SIGLEC1: variants seen among roughly 807,000 people sequenced by gnomAD.
SIGLEC1 encodes the protein sialoadhesin.
In SIGLEC1, 132 loss-of-function variants were observed where a neutral mutation model predicts 148.0. The ratio of observed to expected loss-of-function variants is 0.89; its 90% CI spans 0.77 to 1.03. The LOEUF (loss-of-function observed/expected upper bound fraction) is 1.03. Among genes scored for constraint, SIGLEC1 ranks in the 50% least tolerant of loss-of-function variants. The probability of loss-of-function intolerance (pLI) is 0.00; values close to 1 mark genes in which losing one functional copy is unlikely to be tolerated. For synonymous variants in SIGLEC1, 945 were observed against 969.0 expected (o/e 0.98, Z 0.46); for missense variants, 2,253 against 2,271.4 (o/e 0.99, Z 0.16).
chr20:3,688,457 G>A lies in SIGLEC1; in HGVS notation c.*103C>T, dbSNP rs1485270885. On this transcript the variant is annotated 3_prime_UTR_variant, in exon 22 of 22. Coordinates refer to ENST00000344754, the MANE Select transcript of SIGLEC1 (RefSeq NM_023068.4). ...AGTCAGATGTCACAGAGCTGTTTTC[G>A]TAGAGGCGGGCAGGACTCAACACTG... is the stretch of plus-strand genomic sequence containing the variant. 1.2e-5 allele frequency: 12 copies of A among 997,342 alleles called. No homozygotes were observed. Among genetic ancestry groups the A allele is most frequent in the South Asian group, 2.8e-5 (2 of 72,546 alleles). 61.8% of individuals were successfully genotyped at this position (997,342 alleles called of 1,614,324 possible). A position where few individuals can be genotyped will look rare whatever the true frequency, so the allele number is the denominator to read the frequency against.
intron 11 of SIGLEC1, 145 bp from the exon 12 acceptor site, chr20:3,695,068 C>A (rs1342535943): frequency 2.5e-6 from 2 of 794,260 alleles, no homozygotes; most frequent in Non-Finnish European, 3.9e-6. Context: ...AGGGCCCACT[C>A]AGCCCTATGC....
chr20:3,687,726 T>C lies in SIGLEC1; in HGVS notation c.*834A>G, dbSNP rs545793973. The C allele has an allele frequency of 6.6e-6, 1 of 152,278 alleles. No homozygotes were observed. Among genetic ancestry groups the C allele is most frequent in the East Asian group, 1.9e-4 (1 of 5,180 alleles). The allele number at this position is 152,278 out of a possible 1,614,324, so 9.4% of individuals were successfully genotyped here. A position where few individuals can be genotyped will look rare whatever the true frequency, so the allele number is the denominator to read the frequency against. ...GGCCTGCTGGTGGCATTCCCAACAA[T>C]GTCAAAAGTCTCAGGGATGAGCTCA... On this transcript the variant is annotated 3_prime_UTR_variant, in exon 22 of 22. Transcript: ENST00000344754.
chr20:3,690,829 C>CTTTTTTT lies in SIGLEC1; in HGVS notation c.4591+504_4591+510dup, dbSNP rs1226435413. On this transcript the variant is annotated intron_variant, in intron 18 of 21. Coordinates refer to ENST00000344754, the MANE Select transcript of SIGLEC1 (RefSeq NM_023068.4). ...TTGGTTTTTTCTCTTCTTTTCTTTTCTTTTTTTTTTTTTTTTCTTGAGACA... is the reference window on the plus strand; with the variant it reads ...TTGGTTTTTTCTCTTCTTTTCTTTTCTTTTTTTTTTTTTTTTTTTTTTTCTTGAGACA... 3.4e-5 allele frequency among the ~76,000 whole-genome samples: 4 copies of CTTTTTTT among 117,032 alleles called. 1 individual carries two copies. The highest frequency in any genetic ancestry group is 9.2e-5 in the Admixed American group (1 of 10,848). The allele number at this position is 117,032 out of a possible 152,430, so 76.8% of individuals were successfully genotyped here.
chr20:3,703,482 G>T (rs761851529), intron 5 of SIGLEC1, 31 bp from the exon 6 acceptor site: 7 of 1,540,266 alleles, frequency 4.5e-6, no homozygotes, highest in African/African-American at 1.4e-5. Context: ...GTGCTGGGGG[G>T]TCCCAGCCAA....
At chr20:3,699,148 G>T in intron 8 of SIGLEC1, 54 bp downstream of exon 8, 1 of 1,585,824 alleles carries the variant, frequency 6.3e-7, no homozygotes, top group Admixed American at 1.8e-5. Context: ...CCTAGAGGAG[G>T]TGGGGTGGCT....
At position 3,697,076 on chromosome 20, in the gene SIGLEC1, G is replaced by C; in HGVS notation, c.2380+9C>G. The C allele has an allele frequency of 6.3e-7, 1 of 1,580,876 alleles. No homozygotes were observed. Among genetic ancestry groups the C allele is most frequent in the South Asian group, 1.1e-5 (1 of 90,654 alleles). ...CCAAGTCCCCAGGCTGCCCATGCCA[G>C]TCACCCACAGAGTACACTCAGGAGC... is the stretch of plus-strand genomic sequence containing the variant. On this transcript the variant is annotated intron_variant, in intron 10 of 21. Coordinates refer to ENST00000344754, the MANE Select transcript of SIGLEC1 (RefSeq NM_023068.4).
At position 3,703,251 on chromosome 20, in the gene SIGLEC1, C is replaced by A; in HGVS notation, c.1174G>T (p.Val392Leu). The change falls in exon 6 of 22, where the codon GTG becomes TTG. Residue 392 changes from valine (V) to leucine (L), a missense_variant. By Grantham distance (32) the Val-to-Leu change is conservative. Transcript: ENST00000344754. The stretch of plus-strand genomic sequence containing the variant: ...CGCTCGCTGCCATGGACGTTCTGCA[C>A]CTCACAGAAGTAGAAGCCAGTATCA... ...RADTGFYFCE[V>L]QNVHGSERSG... The A allele has an allele frequency of 6.2e-7, 1 of 1,614,184 alleles. No individual in the cohort carries two copies. The highest frequency in any genetic ancestry group is 8.5e-7 in the Non-Finnish European group (1 of 1,180,024).
In SIGLEC1 at chr20:3,710,786, C is replaced by A. The variant is rs796352740; in HGVS notation, c.-110+1684G>T. On this transcript the variant is annotated intron_variant, in intron 1 of 21. Coordinates refer to ENST00000344754, the MANE Select transcript of SIGLEC1 (RefSeq NM_023068.4). The surrounding 1 kb of genome is among the most constrained non-coding windows in gnomAD (Gnocchi z 4.6). ...CCCTGGAACAGGGCGCGGGGGAGGA[C>A]CCTTTCCAGGACCACTCCCATCACA... Among the ~76,000 whole-genome samples, 2 of 152,324 alleles carry A rather than the reference C, an allele frequency of 1.3e-5. No individual in the cohort carries two copies. Among genetic ancestry groups the A allele is most frequent in the African/African-American group, 4.8e-5 (2 of 41,564 alleles).
rs1459802933 is a variant in SIGLEC1, at chr20:3,701,452, G to A, written c.1418C>T (p.Ser473Phe). The A allele has an allele frequency of 1.9e-6, 3 of 1,614,026 alleles. No homozygotes were observed. In the African/African-American group the frequency reaches 4.0e-5, roughly 22 times the overall value. ...PRFSGTSGPN[S>F]LRLEIRDLEE... ...CAGGTCTCGGATCTCCAGGCGCAGGGAGTTGGGACCAGAGGTACCACTGAA... is the reference window on the plus strand; with the variant it reads ...CAGGTCTCGGATCTCCAGGCGCAGGAAGTTGGGACCAGAGGTACCACTGAA... The change falls in exon 7 of 22, where the codon TCC becomes TTC. Residue 473 changes from serine (S) to phenylalanine (F), a missense_variant. Transcript: ENST00000344754.
intron 4 of SIGLEC1, among the ~76,000 whole-genome samples, chr20:3,704,762 G>A (rs2087880198): frequency 6.6e-6 from 1 of 151,348 alleles, no homozygotes; most frequent in African/African-American, 2.4e-5. Flanking sequence ...GACTACAGGT[G>A]CAAGCCACCA....
chr20:3,705,538 C>T (rs990713067), intron 4 of SIGLEC1, among the ~76,000 whole-genome samples: 10 of 152,212 alleles, frequency 6.6e-5, no homozygotes, highest in African/African-American at 2.2e-4. Context: ...CAAGCCCCTT[C>T]GAAGCAGTAG....
At position 3,710,656 on chromosome 20, in the gene SIGLEC1, C is replaced by G. The variant is rs942840972; in HGVS notation, c.-110+1814G>C. Among the ~76,000 whole-genome samples, 1 of 152,138 alleles carries G rather than the reference C, an allele frequency of 6.6e-6. No homozygotes were observed. Among genetic ancestry groups the G allele is most frequent in the Non-Finnish European group, 1.5e-5 (1 of 68,010 alleles). On this transcript the variant is annotated intron_variant, in intron 1 of 21. Coordinates refer to ENST00000344754, the MANE Select transcript of SIGLEC1 (RefSeq NM_023068.4). The surrounding 1 kb of genome is among the most constrained non-coding windows in gnomAD (Gnocchi z 4.6). ...GATGTCAGGGTCAGCTCTGCTATGG[C>G]CAGGGCAGCTATCTTGTCCCAGCTC...
intron 21 of SIGLEC1, 88 bp from the exon 22 acceptor site, chr20:3,688,707 G>C: frequency 5.0e-6 from 5 of 1,009,492 alleles, no homozygotes; most frequent in Non-Finnish European, 7.2e-6. Flanking sequence ...GGTCCCAAGA[G>C]GATTGGTGGG....
chr20:3,695,740 G>A (rs2088814581), intron 11 of SIGLEC1, among the ~76,000 whole-genome samples: 1 of 152,166 alleles, frequency 6.6e-6, no homozygotes, highest in Non-Finnish European at 1.5e-5. Context: ...CACCGTGGTG[G>A]AAGAAACACT....
At chr20:3,695,050 C>T in intron 11 of SIGLEC1, 127 bp from the exon 12 acceptor site, 1 of 979,078 alleles carries the variant, frequency 1.0e-6, no homozygotes, top group Non-Finnish European at 1.5e-6. Flanking sequence ...CCCTTCCAGA[C>T]CACCGCCAGG....
rs775542025 is a variant in SIGLEC1 at position 3,697,840 on chromosome 20, C to T, written c.2080G>A (p.Ala694Thr). 1.2e-6 allele frequency: 2 copies of T among 1,612,914 alleles called. No homozygotes were observed. The highest frequency in any genetic ancestry group is 1.3e-5 in the African/African-American group (1 of 74,924). ...EGLYLCEASN[A>T]LGNASTSATF... ...GCTGAGGTGGAGGCGTTGCCCAGGG[C>T]ATTGCTGGCCTCACAGAGGTACAAG... Residue 694 changes from alanine (A) to threonine (T), a missense_variant, in exon 9 of 22, where the codon GCC becomes ACC. Ala to Thr is a moderately conservative substitution (Grantham distance 58, BLOSUM62 0). Coordinates refer to ENST00000344754, the MANE Select transcript of SIGLEC1 (RefSeq NM_023068.4).
intron 10 of SIGLEC1, 71 bp downstream of exon 10, chr20:3,697,014 C>G: frequency 6.4e-7 from 1 of 1,571,208 alleles, no homozygotes; most frequent in Non-Finnish European, 8.6e-7. Flanking sequence ...AAACCCCAGC[C>G]CGGCCCCTGC....
chr20:3,691,805 C>T (rs1449711130), intron 17 of SIGLEC1, 98 bp downstream of exon 17: 1 of 1,430,666 alleles, frequency 7.0e-7, no homozygotes, highest in Non-Finnish European at 9.5e-7. Context: ...AGAGCTTTCT[C>T]AGACCAGACA....
chr20:3,708,874 C>T (rs377639999), intron 1 of SIGLEC1, among the ~76,000 whole-genome samples: 19 of 151,800 alleles, frequency 1.3e-4, no homozygotes, highest in Admixed American at 8.5e-4. Flanking sequence ...GGTGAAACCC[C>T]GTCTCTACTA....
Sources: gnomAD v4.1 joint callset for allele counts (sites outside exome capture counted in the v4.1 genomes callset) on GRCh38, gnomAD v4.1.1 for gene constraint, Gnocchi (gnomAD v3.1) non-coding constraint, MANE v1.5 for transcripts, NCBI Gene and HGNC (gene_info 2026-07-23, HGNC 2026-07-21) for gene names.